JPH3: variants seen among roughly 807,000 people sequenced by gnomAD.
The protein encoded by JPH3 is junctophilin-3.
A neutral mutation model predicts 59.6 loss-of-function variants in JPH3; 11 were observed. That is an observed-to-expected ratio of 0.18 (90% CI 0.12 to 0.31). The LOEUF (loss-of-function observed/expected upper bound fraction) is 0.31, where lower values mean the gene tolerates loss of function less well. Ranked by LOEUF, JPH3 falls within the 10% of genes least tolerant of loss-of-function variation. JPH3 has a pLI of 1.00. For synonymous variants in JPH3, 673 were observed against 483.6 expected (o/e 1.39, Z -5.14); for missense variants, 1,202 against 1,105.7 (o/e 1.09, Z -1.24).
chr16:87,658,490 C>T (rs2032584891), intron 2 of JPH3, among the ~76,000 whole-genome samples: 1 of 151,752 alleles, frequency 6.6e-6, no homozygotes, highest in Non-Finnish European at 1.5e-5. Context: ...ACTCTTTGTC[C>T]TTGTCTCTTT....
rs759184663 is a variant in JPH3, at chr16:87,603,284, C to T, written c.138C>T (p.Gly46=). 5.0e-6 allele frequency: 8 copies of T among 1,613,414 alleles called. No homozygotes were observed. In the East Asian group the frequency reaches 1.1e-4, roughly 22 times the overall value. The change falls in exon 1 of 5, where the codon GGC becomes GGT. Residue 46 remains glycine (G), a synonymous_variant. Coordinates refer to ENST00000284262, the MANE Select transcript of JPH3 (RefSeq NM_020655.4). Reference sequence around the variant, plus strand: ...AATACACCGGCTCGTGGAGCCACGGCTTCGAGGTGCTGGGCGTCTACACCT... The same window carrying T: ...AATACACCGGCTCGTGGAGCCACGGTTTCGAGGTGCTGGGCGTCTACACCT... ...QGEYTGSWSH[G]FEVLGVYTWP...
chr16:87,621,609 G>A (rs762062591), intron 1 of JPH3, among the ~76,000 whole-genome samples: 5 of 152,214 alleles, frequency 3.3e-5, no homozygotes, highest in Admixed American at 6.5e-5. Context: ...GCAAACACCC[G>A]GGACTGTCTC....
At chr16:87,653,223 G>A (rs1039868325) in intron 2 of JPH3, among the ~76,000 whole-genome samples, 4 of 152,220 alleles carry the variant, frequency 2.6e-5, no homozygotes, top group Non-Finnish European at 5.9e-5. Flanking sequence ...AAAACCCAGG[G>A]TGATGCCTGC....
intron 2 of JPH3, among the ~76,000 whole-genome samples, chr16:87,660,279 C>G (rs1471732285): frequency 6.6e-6 from 1 of 152,114 alleles, no homozygotes. Context: ...GAGCTTTTCC[C>G]CAGAGCAGAT....
intron 3 of JPH3, among the ~76,000 whole-genome samples, chr16:87,686,590 T>C (rs536388973): frequency 9.9e-5 from 15 of 150,838 alleles, no homozygotes; most frequent in African/African-American, 3.7e-4. Flanking sequence ...AGATGCTTCC[T>C]GGAGGGCTCA....
At chr16:87,675,261 C>G (rs934119243) in intron 2 of JPH3, among the ~76,000 whole-genome samples, 1 of 151,232 alleles carries the variant, frequency 6.6e-6, no homozygotes, top group Non-Finnish European at 1.5e-5. Context: ...GCTCTCTTCC[C>G]CTTGCCAACT....
At chr16:87,683,178 C>T (rs207476254) in intron 2 of JPH3, among the ~76,000 whole-genome samples, 1 of 152,272 alleles carries the variant, frequency 6.6e-6, no homozygotes, top group East Asian at 1.9e-4. Flanking sequence ...CCGCAACCCA[C>T]ACCGGGGCAG....
chr16:87,645,894 T>C (rs889656423), intron 2 of JPH3, among the ~76,000 whole-genome samples: 1 of 152,220 alleles, frequency 6.6e-6, no homozygotes, highest in African/African-American at 2.4e-5. Context: ...ATTTGGGTTC[T>C]AAAGTAACTG....
intron 1 of JPH3, 111 bp downstream of exon 1, chr16:87,603,639 C>A: frequency 1.5e-6 from 2 of 1,309,846 alleles, no homozygotes; most frequent in Non-Finnish European, 2.1e-6. Context: ...GGGCCGTGGG[C>A]ACCAGGGGCC....
At chr16:87,679,209 G>A (rs2033224844) in intron 2 of JPH3, among the ~76,000 whole-genome samples, 1 of 152,082 alleles carries the variant, frequency 6.6e-6, no homozygotes, top group South Asian at 2.1e-4. Flanking sequence ...CCCGTGGCCT[G>A]GACACCACTT....
intron 2 of JPH3, among the ~76,000 whole-genome samples, chr16:87,658,399 C>G (rs1415425255): frequency 1.4e-5 from 2 of 144,856 alleles, no homozygotes; most frequent in Non-Finnish European, 3.0e-5. Flanking sequence ...TCTTTTCCTC[C>G]CTCTCTGTCC....
intron 1 of JPH3, among the ~76,000 whole-genome samples, chr16:87,630,314 C>T (rs1476738844): frequency 2.6e-5 from 4 of 152,200 alleles, no homozygotes; most frequent in South Asian, 2.1e-4. Context: ...TGGCCTCTGG[C>T]ATGTCCACCC....
intron 1 of JPH3, among the ~76,000 whole-genome samples, chr16:87,634,180 G>A (rs900233352): frequency 2.6e-5 from 4 of 152,276 alleles, no homozygotes; most frequent in Admixed American, 1.3e-4. Flanking sequence ...GTTGGCCAGC[G>A]CAGGGCTCTC....
At chr16:87,647,679 C>T (rs1047510950) in intron 2 of JPH3, among the ~76,000 whole-genome samples, 1 of 152,178 alleles carries the variant, frequency 6.6e-6, no homozygotes, top group Non-Finnish European at 1.5e-5. Context: ...CCGCCATGTC[C>T]TGCTGTCCAC....
rs935572049 is a variant in JPH3 at position 87,697,676 on chromosome 16, G to A, written c.*1016G>A. Reference sequence around the variant, plus strand: ...ATGCATATTCCTTCCAGATGCCTCAGTGCTACACCACAGTGGGCCTGGTCC... The same window carrying A: ...ATGCATATTCCTTCCAGATGCCTCAATGCTACACCACAGTGGGCCTGGTCC... On this transcript the variant is annotated 3_prime_UTR_variant, in exon 5 of 5. Coordinates refer to ENST00000284262, the MANE Select transcript of JPH3 (RefSeq NM_020655.4). The A allele has an allele frequency of 1.3e-5, 2 of 152,392 alleles. No homozygotes were observed. Among genetic ancestry groups the A allele is most frequent in the South Asian group, 2.1e-4 (1 of 4,838 alleles). The allele number at this position is 152,392 out of a possible 1,614,324, so 9.4% of individuals were successfully genotyped here. A position where few individuals can be genotyped will look rare whatever the true frequency, so the allele number is the denominator to read the frequency against.
intron 2 of JPH3, among the ~76,000 whole-genome samples, chr16:87,648,430 C>A (rs1045877618): frequency 1.3e-5 from 2 of 152,064 alleles, no homozygotes; most frequent in South Asian, 2.1e-4. Flanking sequence ...TCGAGAGATG[C>A]GAGGGAGTTG....
At position 87,634,433 on chromosome 16, in the gene JPH3, C is replaced by T. The variant is rs551571723; in HGVS notation, c.383-9825C>T. On this transcript the variant is annotated intron_variant, in intron 1 of 4. Coordinates refer to ENST00000284262, the MANE Select transcript of JPH3 (RefSeq NM_020655.4). ...GAGGCCATCGGAAGCCCACAGGAGC[C>T]ACTTCTGAGTTCCCTCAGGGTGGAG... Among the ~76,000 whole-genome samples the T allele has an allele frequency of 9.5e-4, 144 of 152,328 alleles. 1 individual carries two copies. The highest frequency in any genetic ancestry group is 3.8e-3 in the Admixed American group (58 of 15,304).
At chr16:87,625,059 A>T (rs2031320831) in intron 1 of JPH3, among the ~76,000 whole-genome samples, 1 of 152,232 alleles carries the variant, frequency 6.6e-6, no homozygotes, top group Non-Finnish European at 1.5e-5. Flanking sequence ...TTGGCCTCCC[A>T]AAGTGCTGGG....
chr16:87,634,260 GC>G (rs765978620), intron 1 of JPH3, among the ~76,000 whole-genome samples: 2 of 152,152 alleles, frequency 1.3e-5, no homozygotes, highest in Non-Finnish European at 2.9e-5. Context: ...GGCACAACAG[GC>G]GAAGACCCCA....
Sources: gnomAD v4.1 joint callset for allele counts (sites outside exome capture counted in the v4.1 genomes callset) on GRCh38, gnomAD v4.1.1 for gene constraint, MANE v1.5 for transcripts, NCBI Gene and HGNC (gene_info 2026-07-23, HGNC 2026-07-21) for gene names.